The following SYNE1 variants were observed in gnomAD, a reference collection of about 807,000 sequenced individuals.
SYNE1 encodes the protein nesprin-1.
Under a neutral mutation model 1,111.0 loss-of-function variants are expected in SYNE1, and 616 were observed. The observed-to-expected ratio is 0.55, with a 90% confidence interval of 0.52 to 0.59. The LOEUF (loss-of-function observed/expected upper bound fraction) is 0.59, where lower values mean the gene tolerates loss of function less well. Ranked by LOEUF, SYNE1 falls within the 20% of genes least tolerant of loss-of-function variation. SYNE1 has a pLI of 0.00. For synonymous variants in SYNE1, 3,855 were observed against 3,825.8 expected (o/e 1.01, Z -0.28); for missense variants, 10,006 against 10,417.0 (o/e 0.96, Z 1.72).
intron 20 of SYNE1, 176 bp downstream of exon 20, chr6:152,462,562 A>G (rs1347952879): frequency 4.4e-6 from 3 of 677,944 alleles, no homozygotes; most frequent in Admixed American, 2.8e-5. Flanking sequence ...TGATCAAGTC[A>G]TGTCTTTTTT....
intron 99 of SYNE1, 27 bp downstream of exon 99, chr6:152,269,128 G>A (rs985124156): frequency 1.2e-5 from 20 of 1,614,022 alleles, no homozygotes; most frequent in Admixed American, 1.7e-5. Flanking sequence ...AGATCTGCAA[G>A]CTAGAGAGAG....
chr6:152,583,341 C>T (rs1268139762), intron 3 of SYNE1, among the ~76,000 whole-genome samples: 1 of 152,116 alleles, frequency 6.6e-6, no homozygotes, highest in Non-Finnish European at 1.5e-5. Flanking sequence ...ATATCTGCCT[C>T]CCTGGGAGGA....
At position 152,152,091 on chromosome 6, in the gene SYNE1, G is replaced by A; in HGVS notation, c.24180C>T (p.Asn8060=). 6.2e-7 allele frequency: 1 copy of A among 1,614,166 alleles called. No individual in the cohort carries two copies. Among genetic ancestry groups the A allele is most frequent in the Non-Finnish European group, 8.5e-7 (1 of 1,180,024 alleles). Residue 8060 remains asparagine, a synonymous_variant, in exon 134 of 146, where the codon AAC becomes AAT. Transcript: ENST00000367255. The stretch of plus-strand genomic sequence containing the variant: ...CCCTGGCCAGGCGGCGGTACTGCTT[G>A]TTGATCAGTTCCAGCTGCGTCAGGC... The part of the protein sequence containing the change: ...HECLTQLELI[N]KQYRRLAREN...
intron 115 of SYNE1, among the ~76,000 whole-genome samples, chr6:152,230,174 A>G (rs1193261752): frequency 6.6e-6 from 1 of 152,086 alleles, no homozygotes. Flanking sequence ...CTGGGACTAC[A>G]GGGACAAGCA....
chr6:152,184,631 T>TATATAG (rs763006040), intron 128 of SYNE1, among the ~76,000 whole-genome samples: 11 of 142,916 alleles, frequency 7.7e-5, no homozygotes, highest in African/African-American at 2.8e-4. Flanking sequence ...TATACACATA[T>TATATAG]ATAGATAGAT....
intron 2 of SYNE1, among the ~76,000 whole-genome samples, chr6:152,629,059 T>C (rs188546459): frequency 2.6e-5 from 4 of 152,336 alleles, no homozygotes; most frequent in Admixed American, 1.3e-4. Flanking sequence ...TTCTAAAAAT[T>C]TGAGTTTCAA....
In SYNE1 at chr6:152,230,679, C is replaced by T; in HGVS notation, c.21063G>A (p.Leu7021=). 2 of 1,613,926 alleles carry T rather than the reference C, an allele frequency of 1.2e-6. No individual in the cohort carries two copies. The highest frequency in any genetic ancestry group is 2.2e-5 in the East Asian group (1 of 44,844). Residue 7021 remains leucine, a synonymous_variant, in exon 115 of 146, where the codon TTG becomes TTA. Transcript: ENST00000367255. ...TEKIQLLEGL[L]ESWSEYENNV... is the part of the protein sequence containing the mutation. ...TATTTTCATATTCTGACCAAGATTC[C>T]AATAAGCCTTCCAACAGCTGGATCT...
chr6:152,240,461 A>G (rs992172824), intron 107 of SYNE1, among the ~76,000 whole-genome samples: 2 of 152,188 alleles, frequency 1.3e-5, no homozygotes, highest in African/African-American at 4.8e-5. Flanking sequence ...CTTGTATTAT[A>G]CCTACACATA....
At chr6:152,558,553 G>C (rs547011805) in intron 3 of SYNE1, among the ~76,000 whole-genome samples, 1 of 152,024 alleles carries the variant, frequency 6.6e-6, no homozygotes, top group Non-Finnish European at 1.5e-5. Flanking sequence ...TCCTTATATC[G>C]CACAATGTAG....
chr6:152,275,235 ATTATGGGT>A (rs375539180), intron 98 of SYNE1, among the ~76,000 whole-genome samples: 10 of 152,242 alleles, frequency 6.6e-5, no homozygotes, highest in African/African-American at 2.2e-4. Context: ...AAGCTATAAA[ATTATGGGT>A]TTGGGGTATA....
At chr6:152,451,272 G>T in intron 25 of SYNE1, 67 bp from the exon 26 acceptor site, 1 of 1,491,374 alleles carries the variant, frequency 6.7e-7, no homozygotes, top group Non-Finnish European at 9.0e-7. Context: ...CCCAATTGAA[G>T]TGGCAAAAAA....
At chr6:152,166,928 T>G (rs1275191185) in intron 130 of SYNE1, among the ~76,000 whole-genome samples, 1 of 152,184 alleles carries the variant, frequency 6.6e-6, no homozygotes, top group Non-Finnish European at 1.5e-5. Context: ...AAATGTCCCA[T>G]GTTTCTTTCC....
intron 10 of SYNE1, among the ~76,000 whole-genome samples, chr6:152,502,287 G>C (rs2099034138): frequency 6.6e-6 from 1 of 152,196 alleles, no homozygotes. Flanking sequence ...ACCAGAGCGA[G>C]GGGATTAAAG....
At chr6:152,477,337 T>C (rs1027899407) in intron 14 of SYNE1, among the ~76,000 whole-genome samples, 5 of 152,102 alleles carry the variant, frequency 3.3e-5, no homozygotes, top group Non-Finnish European at 4.4e-5. Context: ...GAAGTTGTAA[T>C]TTCAAAAGAG....
At chr6:152,258,450 T>C (rs1366648441) in intron 101 of SYNE1, among the ~76,000 whole-genome samples, 3 of 152,194 alleles carry the variant, frequency 2.0e-5, no homozygotes, top group Non-Finnish European at 4.4e-5. Context: ...TTTTTCAAAA[T>C]AATAGAGTAA....
intron 51 of SYNE1, among the ~76,000 whole-genome samples, chr6:152,394,113 G>A (rs1428477844): frequency 3.3e-5 from 5 of 152,170 alleles, no homozygotes; most frequent in Non-Finnish European, 7.3e-5. Context: ...TGCTGAGAAT[G>A]ATGGTTTCCA....
chr6:152,255,834 A>G, intron 102 of SYNE1, 88 bp from the exon 103 acceptor site: 1 of 1,459,950 alleles, frequency 6.8e-7, no homozygotes, highest in Non-Finnish European at 9.6e-7. Context: ...TGCAGTGCTC[A>G]CACCTGTAAT....
intron 77 of SYNE1, among the ~76,000 whole-genome samples, chr6:152,332,870 G>T (rs1038489569): frequency 4.6e-5 from 7 of 152,194 alleles, no homozygotes; most frequent in Non-Finnish European, 1.0e-4. Flanking sequence ...GAAAAGCAGG[G>T]TTGGGAGGCA....
intron 144 of SYNE1, 92 bp from the exon 145 acceptor site, chr6:152,130,870 G>T: frequency 7.6e-7 from 1 of 1,315,108 alleles, no homozygotes; most frequent in Non-Finnish European, 1.1e-6. Flanking sequence ...TAAAAGTGCA[G>T]CAAAGGAAAA....
Sources: allele counts gnomAD v4.1 joint callset (sites outside exome capture counted in the v4.1 genomes callset), GRCh38; gene constraint gnomAD v4.1.1; transcripts MANE v1.5; gene names NCBI Gene and HGNC (gene_info 2026-07-23, HGNC 2026-07-21).